The following CASKIN1 variants were observed in gnomAD, a reference collection of about 807,000 sequenced individuals.
CASKIN1 encodes the protein CASK interacting protein 1, also known as caskin-1.
A neutral mutation model predicts 117.5 loss-of-function variants in CASKIN1; 42 were observed. The ratio of observed to expected loss-of-function variants is 0.36; its 90% CI spans 0.28 to 0.46. The LOEUF is 0.46. Among genes scored for constraint, CASKIN1 ranks in the 20% least tolerant of loss-of-function variants. The pLI, the probability that CASKIN1 is intolerant of heterozygous loss-of-function variation, is 1.00. For synonymous variants in CASKIN1, 1,148 were observed against 961.7 expected (o/e 1.19, Z -3.59); for missense variants, 2,083 against 2,077.3 (o/e 1.00, Z -0.05).
In CASKIN1 at chr16:2,179,927, C is replaced by T. The variant is rs1334537633; in HGVS notation, c.3441G>A (p.Thr1147=). The T allele has an allele frequency of 6.2e-7, 1 of 1,605,858 alleles. No individual in the cohort carries two copies. Among genetic ancestry groups the T allele is most frequent in the Non-Finnish European group, 8.5e-7 (1 of 1,176,726 alleles). The change falls in exon 18 of 20, where the codon ACG becomes ACA. Residue 1147 remains threonine (T), a synonymous_variant. Coordinates refer to ENST00000343516, the MANE Select transcript of CASKIN1 (RefSeq NM_020764.4). This position sits in a 1 kb window ranked among gnomAD's most constrained non-coding sequence, Gnocchi z 5.8. ...NVKFILTESD[T]VKRRPKAKER... is the part of the protein sequence containing the mutation. The stretch of plus-strand genomic sequence containing the variant: ...CCTTGGCCTTGGGCCTGCGCTTGAC[C>T]GTGTCAGACTCGGTCAGGATGAACT...
chr16:2,185,666 G>A (rs913919472), intron 10 of CASKIN1, among the ~76,000 whole-genome samples: 1 of 152,246 alleles, frequency 6.6e-6, no homozygotes, highest in East Asian at 1.9e-4. Flanking sequence ...TTGCTGGACG[G>A]TATGAAAGTC....
At position 2,180,808 on chromosome 16, in the gene CASKIN1, G is replaced by T; in HGVS notation, c.2560C>A (p.Pro854Thr). The T allele has an allele frequency of 1.4e-6, 2 of 1,397,744 alleles. No individual in the cohort carries two copies. The highest frequency in any genetic ancestry group is 1.8e-6 in the Non-Finnish European group (2 of 1,084,538). 86.6% of individuals were successfully genotyped at this position (1,397,744 alleles called of 1,614,324 possible). Residue 854 changes from proline to threonine, a missense_variant, in exon 18 of 20, where the codon CCA (proline) becomes ACA (threonine). Transcript: ENST00000343516. ...GTGGGCACAGCCGTCGGCACGGGTG[G>T]GGGCGCAGGCCCCGGGGCAGCCGGC... Reference protein sequence around the residue: ...VGPAAPGPAPPPVPTAVPTLC... With the variant: ...VGPAAPGPAPTPVPTAVPTLC...
Position 2,179,961 on chromosome 16 carries a change from T to A in CASKIN1, c.3407A>T (p.Glu1136Val). 1 of 1,606,938 alleles carries A rather than the reference T, an allele frequency of 6.2e-7. No individual in the cohort carries two copies. Among genetic ancestry groups the A allele is most frequent in the Non-Finnish European group, 8.5e-7 (1 of 1,177,324 alleles). Residue 1136 changes from glutamate (E) to valine (V), a missense_variant, in exon 18 of 20, where the codon GAG (glutamate) becomes GTG (valine). Glu to Val is a moderately radical substitution (Grantham distance 121). This residue lies in a region of CASKIN1 where 1,818 missense variants were observed against 1,688.9 expected (regional missense o/e 1.08). Transcript: ENST00000343516. The surrounding 1 kb of genome is among the most constrained non-coding windows in gnomAD (Gnocchi z 5.8). ...CTCGGTCAGGATGAACTTGACGTTC[T>A]CCTGCTGGTTCTGCTTGGCCCGGAT... ...RRIRAKQNQQ[E>V]NVKFILTESD...
At chr16:2,188,160 A>G (rs956668649) in intron 6 of CASKIN1, among the ~76,000 whole-genome samples, 14 of 148,396 alleles carry the variant, frequency 9.4e-5, no homozygotes, top group Non-Finnish European at 1.9e-4. Context: ...CTGGGATTGC[A>G]GCATTTTGAA....
At position 2,185,053 on chromosome 16, in the gene CASKIN1, CG is replaced by C; in HGVS notation, c.1240-19del. 6.2e-7 allele frequency: 1 copy of C among 1,606,660 alleles called. No individual in the cohort carries two copies. Among genetic ancestry groups the C allele is most frequent in the Non-Finnish European group, 8.5e-7 (1 of 1,175,612 alleles). On this transcript the variant is annotated intron_variant, in intron 12 of 19. Transcript: ENST00000343516. ...GCCAGGAGCTGCAACCCAGAAACCC[CG>C]GCTTGTCACCTGCTCCCAGCCCTGG...
Position 2,189,109 on chromosome 16 carries a change from G to T in CASKIN1, c.535C>A (p.Pro179Thr). 3 of 1,613,450 alleles carry T rather than the reference G, an allele frequency of 1.9e-6. No individual in the cohort carries two copies. The highest frequency in any genetic ancestry group is 2.2e-5 in the South Asian group (2 of 91,052). Residue 179 changes from proline to threonine, a missense_variant, in exon 6 of 20, where the codon CCC becomes ACC. By Grantham distance (38) the Pro-to-Thr change is conservative (BLOSUM62 -1). Transcript: ENST00000343516. ...GGGTCGGTGGCGTCTCCCGGCCGGG[G>T]CTCCAGCAGCGCCGCACACATATTG... The part of the protein sequence containing the change: ...SSNMCAALLE[P>T]RPGDATDPNG...
chr16:2,189,976 T>C, intron 3 of CASKIN1, 97 bp downstream of exon 3: 1 of 1,091,212 alleles, frequency 9.2e-7, no homozygotes. Flanking sequence ...ACTGAGACCC[T>C]GGGCTGAGAC....
In CASKIN1 at chr16:2,181,882, G is replaced by A; in HGVS notation, c.1677C>T (p.Tyr559=). The A allele has an allele frequency of 6.2e-7, 1 of 1,613,810 alleles. No homozygotes were observed. Among genetic ancestry groups the A allele is most frequent in the Non-Finnish European group, 8.5e-7 (1 of 1,179,986 alleles). The change falls in exon 17 of 20, where the codon TAC becomes TAT. Residue 559 remains tyrosine (Y), a synonymous_variant. Transcript: ENST00000343516. ...WLSMIGLAQY[Y]KVLVDNGYEN... ...CGTAGCCATTGTCCACCAACACCTT[G>A]TAGTACTGGGCCAGGCCGATCATGG...
chr16:2,186,711 T>C lies in CASKIN1; in HGVS notation c.1044A>G (p.Arg348=), dbSNP rs762780425. 8.1e-6 allele frequency: 13 copies of C among 1,612,328 alleles called. No homozygotes were observed. Among genetic ancestry groups the C allele is most frequent in the Non-Finnish European group, 1.1e-5 (13 of 1,179,570 alleles). Residue 348 remains arginine (R), a synonymous_variant, in exon 10 of 20, where the codon CGA becomes CGG. Transcript: ENST00000343516. ...CCAGGGTGGGGTGGAACTTGCCTGC[T>C]CGCTTGACAATGGCCTCGCCCAGGG... ...PSSLGEAIVK[R]AGSRAGTEPS... is the part of the protein sequence containing the mutation.
In CASKIN1 at chr16:2,196,436, G is replaced by C; in HGVS notation, c.-4C>G. 1.6e-6 allele frequency: 2 copies of C among 1,269,366 alleles called. No homozygotes were observed. The highest frequency in any genetic ancestry group is 2.0e-6 in the Non-Finnish European group (2 of 993,156). 78.6% of individuals were successfully genotyped at this position (1,269,366 alleles called of 1,614,324 possible). A position where few individuals can be genotyped will look rare whatever the true frequency, so the allele number is the denominator to read the frequency against. On this transcript the variant is annotated 5_prime_UTR_variant, in exon 1 of 20. Transcript: ENST00000343516. The surrounding 1 kb of genome is among the most constrained non-coding windows in gnomAD (Gnocchi z 5.7). ...CCAGCTCCTGCTCCTTCCCCATGGC[G>C]CGGCCGGGGCCGCAGCGACGCGGCT...
In CASKIN1 at chr16:2,181,371, G is replaced by A. The variant is rs552222358; in HGVS notation, c.1997C>T (p.Thr666Ile). 1.9e-6 allele frequency: 3 copies of A among 1,609,078 alleles called. No homozygotes were observed. The highest frequency in any genetic ancestry group is 2.2e-5 in the South Asian group (2 of 90,714). The part of the protein sequence containing the change: ...ELSDELQAAM[T>I]GPAEVGPTTE... The stretch of plus-strand genomic sequence containing the variant: ...GGTGGGCCCCACCTCAGCCGGGCCA[G>A]TCATGGCAGCCTGCAGCTCGTCACT... The change falls in exon 18 of 20, where the codon ACT becomes ATT. Residue 666 changes from threonine to isoleucine, a missense_variant. Thr to Ile is a moderately conservative substitution (Grantham distance 89). Coordinates refer to ENST00000343516, the MANE Select transcript of CASKIN1 (RefSeq NM_020764.4).
chr16:2,189,528 C>T lies in CASKIN1; in HGVS notation c.281G>A (p.Arg94Gln). 3.7e-6 allele frequency: 6 copies of T among 1,611,408 alleles called. No homozygotes were observed. The highest frequency in any genetic ancestry group is 4.5e-5 in the East Asian group (2 of 44,878). ...CAGCACCAGCTTCATGGGCTCCTTC[C>T]GGCCCTGCCAGGCCGCATAGTGCAG... is the stretch of plus-strand genomic sequence containing the variant. ...RPLHYAAWQG[R>Q]KEPMKLVLKA... Residue 94 changes from arginine (R) to glutamine (Q), a missense_variant, in exon 4 of 20, where the codon CGG (arginine) becomes CAG (glutamine). Physicochemically the swap from Arg to Gln is conservative, Grantham distance 43. Coordinates refer to ENST00000343516, the MANE Select transcript of CASKIN1 (RefSeq NM_020764.4).
At position 2,181,442 on chromosome 16, in the gene CASKIN1, G is replaced by A. The variant is rs752639045; in HGVS notation, c.1926C>T (p.Ala642=). ...ESPPPPEPTP[A]DCQSPKMTTF... ...TGGTCATTTTAGGGGACTGGCAGTC[G>A]GCCGGTGTGGGCTCAGGCGGGGGCG... The change falls in exon 18 of 20, where the codon GCC becomes GCT. Residue 642 remains alanine, a synonymous_variant. Coordinates refer to ENST00000343516, the MANE Select transcript of CASKIN1 (RefSeq NM_020764.4). The A allele has an allele frequency of 1.4e-5, 22 of 1,612,060 alleles. No homozygotes were observed. The highest frequency in any genetic ancestry group is 2.7e-5 in the African/African-American group (2 of 74,874).
rs770518299 is a variant in CASKIN1, at chr16:2,183,873, G to A, written c.1485C>T (p.Ser495=). The change falls in exon 15 of 20, where the codon AGC becomes AGT. Residue 495 remains serine, a synonymous_variant. Coordinates refer to ENST00000343516, the MANE Select transcript of CASKIN1 (RefSeq NM_020764.4). ...QLQLYAPNFI[S]AGYDLPTISR... ...TGATGGTGGGCAGGTCGTAGCCGGC[G>A]CTGATGAAGTTGGGGGCGTAGAGCT... 19 of 1,612,620 alleles carry A rather than the reference G, an allele frequency of 1.2e-5. No individual in the cohort carries two copies. In the Admixed American group the frequency reaches 1.8e-4, roughly 16 times the overall value.
chr16:2,179,712 C>G lies in CASKIN1; in HGVS notation c.3656G>C (p.Arg1219Pro). The G allele has an allele frequency of 6.6e-7, 1 of 1,510,810 alleles. No homozygotes were observed. The highest frequency in any genetic ancestry group is 1.3e-5 in the South Asian group (1 of 78,936). The allele number at this position is 1,510,810 out of a possible 1,614,324, so 93.6% of individuals were successfully genotyped here. The change falls in exon 18 of 20, where the codon CGG (arginine) becomes CCG (proline). Residue 1219 changes from arginine (R) to proline (P), a missense_variant. By Grantham distance (103) the Arg-to-Pro change is moderately radical. Around this residue, in one of 3 missense-constraint regions of CASKIN1, gnomAD observed 1,818 missense variants for 1,688.9 expected, o/e 1.08. Transcript: ENST00000343516. This position sits in a 1 kb window ranked among gnomAD's most constrained non-coding sequence, Gnocchi z 5.8. ...PPLPPPEGEARKPAKPPVSPK... is the reference protein window; with the variant it reads ...PPLPPPEGEAPKPAKPPVSPK... ...AGAGACAGGCGGCTTGGCCGGCTTC[C>G]GGGCTTCGCCCTCGGGCGGGGGCAA...
At chr16:2,181,999 G>T in intron 16 of CASKIN1, 70 bp from the exon 17 acceptor site, 1 of 1,597,304 alleles carries the variant, frequency 6.3e-7, no homozygotes. Flanking sequence ...CCTGGAGCTG[G>T]AGGAGGAAGG....
In CASKIN1 at chr16:2,184,827, C is replaced by A. The variant is rs751395403; in HGVS notation, c.1366G>T (p.Val456Phe). 4 of 1,557,572 alleles carry A rather than the reference C, an allele frequency of 2.6e-6. No individual in the cohort carries two copies. In the South Asian group the frequency reaches 3.6e-5, roughly 14 times the overall value. The change falls in exon 14 of 20, where the codon GTC becomes TTC. Residue 456 changes from valine (V) to phenylalanine (F), a missense_variant. Val to Phe is a conservative substitution (Grantham distance 50, BLOSUM62 -1). Around this residue, in one of 3 missense-constraint regions of CASKIN1, gnomAD observed 1,818 missense variants for 1,688.9 expected, o/e 1.08. Coordinates refer to ENST00000343516, the MANE Select transcript of CASKIN1 (RefSeq NM_020764.4). The part of the protein sequence containing the change: ...SQPPVAHAGQ[V>F]YGEQPPKKLE... ...TTCTTGGGCGGCTGCTCCCCATAGA[C>A]CTGCCCGGCGTGGGCCACTGGAGGC...
chr16:2,179,801 C>T lies in CASKIN1; in HGVS notation c.3567G>A (p.Pro1189=), dbSNP rs368096806. The T allele has an allele frequency of 1.5e-4, 242 of 1,577,652 alleles. 1 individual carries two copies. In the Middle Eastern group the frequency reaches 1.9e-3, roughly 12 times the overall value. The change falls in exon 18 of 20, where the codon CCG becomes CCA. Residue 1189 remains proline (P), a synonymous_variant. Transcript: ENST00000343516. The surrounding 1 kb of genome is among the most constrained non-coding windows in gnomAD (Gnocchi z 5.8). The part of the protein sequence containing the change: ...RRPASEQAGP[P]ELPPPPPPAE... The stretch of plus-strand genomic sequence containing the variant: ...CAGGCGGGGGCGGTGGAGGCAGCTC[C>T]GGAGGCCCAGCCTGCTCCGAGGCCG...
At chr16:2,187,118 G>A (rs1027318956) in intron 8 of CASKIN1, 46 bp from the exon 9 acceptor site, 1 of 1,612,642 alleles carries the variant, frequency 6.2e-7, no homozygotes. Flanking sequence ...GGCTGATCTG[G>A]CCCAGCCCCA....
Sources: gnomAD v4.1 joint callset for allele counts (sites outside exome capture counted in the v4.1 genomes callset) on GRCh38, gnomAD v4.1.1 for gene constraint, gnomAD v4.1.1 regional missense constraint, Gnocchi (gnomAD v3.1) non-coding constraint, MANE v1.5 for transcripts, NCBI Gene and HGNC (gene_info 2026-07-23, HGNC 2026-07-21) for gene names.